Variants in SLC9A1 observed in about 807,000 individuals in gnomAD.
SLC9A1 encodes solute carrier family 9 member A1.
A neutral mutation model predicts 67.9 loss-of-function variants in SLC9A1; 22 were observed. The observed-to-expected ratio is 0.32, with a 90% CI of 0.23 to 0.46. SLC9A1 has a LOEUF of 0.46. Ranked by LOEUF, SLC9A1 falls within the 20% of genes least tolerant of loss-of-function variation. The pLI is 1.00. For synonymous variants in SLC9A1, 421 were observed against 471.8 expected (o/e 0.89, Z 1.40); for missense variants, 686 against 1,094.8 (o/e 0.63, Z 5.27).
Position 27,100,519 on chromosome 1 carries a change from G to C in SLC9A1, c.2236C>G (p.Arg746Gly), listed in dbSNP as rs369393494. The C allele has an allele frequency of 8.1e-6, 13 of 1,614,120 alleles. No individual in the cohort carries two copies. The highest frequency in any genetic ancestry group is 1.1e-5 in the Non-Finnish European group (13 of 1,179,984). Residue 746 changes from arginine (R) to glycine (G), a missense_variant, in exon 12 of 12, where the codon CGG becomes GGG. This residue lies in a region of SLC9A1 where 226 missense variants were observed against 282.4 expected (regional missense o/e 0.80). Transcript: ENST00000263980. This position sits in a 1 kb window ranked among gnomAD's most constrained non-coding sequence, Gnocchi z 5.6. The stretch of plus-strand genomic sequence containing the variant: ...TCCTCAGCCACCTTTGCAGGATCCC[G>C]GCTCAACCCTAAGACTTTGCCCTTC... ...ELKGKVLGLSRDPAKVAEEDE... is the reference protein window; with the variant it reads ...ELKGKVLGLSGDPAKVAEEDE...
chr1:27,115,135 C>T (rs553782535), intron 1 of SLC9A1, among the ~76,000 whole-genome samples: 1 of 152,290 alleles, frequency 6.6e-6, no homozygotes, highest in South Asian at 2.1e-4. Flanking sequence ...AGGTCTGATG[C>T]CCCAGTTCCC....
chr1:27,115,953 A>G (rs1454803160), intron 1 of SLC9A1, among the ~76,000 whole-genome samples: 2 of 152,080 alleles, frequency 1.3e-5, no homozygotes, highest in African/African-American at 2.4e-5. Context: ...CTCTGCTCTC[A>G]TTACTTACTC....
rs1460571695 is a variant in SLC9A1, at chr1:27,101,955, C to T, written c.1935+61G>A. 1.8e-5 allele frequency: 27 copies of T among 1,468,834 alleles called. No individual in the cohort carries two copies. Among genetic ancestry groups the T allele is most frequent in the East Asian group, 6.8e-5 (3 of 44,200 alleles). The allele number at this position is 1,468,834 out of a possible 1,614,324, so 91.0% of individuals were successfully genotyped here. On this transcript the variant is annotated intron_variant, in intron 9 of 11. Transcript: ENST00000263980. The surrounding 1 kb of genome is among the most constrained non-coding windows in gnomAD (Gnocchi z 4.9). Reference sequence around the variant, plus strand: ...AGGGGCACGGGCAGGGCAGGGCTGCCGTAGAGAGGGGCTGAAGGGCTCCTG... The same window carrying T: ...AGGGGCACGGGCAGGGCAGGGCTGCTGTAGAGAGGGGCTGAAGGGCTCCTG...
chr1:27,152,075 T>C (rs780249639), intron 1 of SLC9A1, among the ~76,000 whole-genome samples: 39 of 151,614 alleles, frequency 2.6e-4, no homozygotes, highest in Admixed American at 1.9e-3. Context: ...CAGAGGGAGG[T>C]AGGAAGAGAA....
At chr1:27,107,230 CAACCCCT>C (rs2083193474) in intron 4 of SLC9A1, among the ~76,000 whole-genome samples, 2 of 81,708 alleles carry the variant, frequency 2.4e-5, no homozygotes, top group African/African-American at 4.7e-5. Context: ...TACACACACC[CAACCCCT>C]ACACACACAC....
intron 1 of SLC9A1, among the ~76,000 whole-genome samples, chr1:27,136,708 C>T (rs1271261940): frequency 2.6e-5 from 4 of 152,158 alleles, no homozygotes; most frequent in African/African-American, 7.2e-5. Context: ...ACACAATCCC[C>T]GTCCCAAACA....
chr1:27,101,041 G>A lies in SLC9A1; in HGVS notation c.2110+162C>T, dbSNP rs2083139241. On this transcript the variant is annotated intron_variant, in intron 11 of 11. Coordinates refer to ENST00000263980, the MANE Select transcript of SLC9A1 (RefSeq NM_003047.5). This position sits in a 1 kb window ranked among gnomAD's most constrained non-coding sequence, Gnocchi z 4.9. ...CCGGAACGTCTCTCTCCCTAGGGAT[G>A]GCCCCTGACGTAGAAGCAGCTCATG... 6.6e-6 allele frequency among the ~76,000 whole-genome samples: 1 copy of A among 152,188 alleles called. No individual in the cohort carries two copies. Among genetic ancestry groups the A allele is most frequent in the Non-Finnish European group, 1.5e-5 (1 of 68,020 alleles).
Position 27,135,317 on chromosome 1 carries a change from T to C in SLC9A1, c.352+18666A>G, listed in dbSNP as rs554784739. On this transcript the variant is annotated intron_variant, in intron 1 of 11. Coordinates refer to ENST00000263980, the MANE Select transcript of SLC9A1 (RefSeq NM_003047.5). Reference sequence around the variant, plus strand: ...ATGCTCCCACCTTGGTCTCCCAAAGTGCTGGGATTACAGGGGTGAGCCACT... The same window carrying C: ...ATGCTCCCACCTTGGTCTCCCAAAGCGCTGGGATTACAGGGGTGAGCCACT... Among the ~76,000 whole-genome samples, 163 of 152,230 alleles carry C rather than the reference T, an allele frequency of 1.1e-3. 1 individual carries two copies. Among genetic ancestry groups the C allele is most frequent in the African/African-American group, 3.8e-3 (156 of 41,538 alleles).
intron 8 of SLC9A1, 119 bp from the exon 9 acceptor site, chr1:27,102,249 C>A: frequency 7.5e-7 from 1 of 1,337,158 alleles, no homozygotes. Context: ...GCCTCAGGTC[C>A]TTGGTGCGAG....
At chr1:27,132,303 G>A (rs1183636121) in intron 1 of SLC9A1, among the ~76,000 whole-genome samples, 1 of 152,098 alleles carries the variant, frequency 6.6e-6, no homozygotes, top group Non-Finnish European at 1.5e-5. Flanking sequence ...CATCAATGGA[G>A]AGGAAAGAAC....
Position 27,109,506 on chromosome 1 carries a change from G to A in SLC9A1, c.1064+21C>T. 2 of 1,608,864 alleles carry A rather than the reference G, an allele frequency of 1.2e-6. No individual in the cohort carries two copies. Among genetic ancestry groups the A allele is most frequent in the Non-Finnish European group, 1.7e-6 (2 of 1,178,252 alleles). ...CCGCCCCCACCCCGCCAAGCCCACT[G>A]CCTGCTGCACGCAGACTCACGCCAT... On this transcript the variant is annotated intron_variant, in intron 3 of 11. Coordinates refer to ENST00000263980, the MANE Select transcript of SLC9A1 (RefSeq NM_003047.5). The surrounding 1 kb of genome is among the most constrained non-coding windows in gnomAD (Gnocchi z 5.5).
At chr1:27,142,889 C>T (rs958187045) in intron 1 of SLC9A1, among the ~76,000 whole-genome samples, 1 of 152,048 alleles carries the variant, frequency 6.6e-6, no homozygotes, top group East Asian at 1.9e-4. Flanking sequence ...TGCAGTCCCA[C>T]AGGCAAACCC....
chr1:27,107,510 GCACCACATGCACA>G (rs2083196604), intron 4 of SLC9A1, 125 bp downstream of exon 4: 2 of 675,412 alleles, frequency 3.0e-6, no homozygotes, highest in Non-Finnish European at 5.2e-6. Flanking sequence ...CTTATACACT[GCACCACATGCACA>G]CACCACATAG....
intron 1 of SLC9A1, among the ~76,000 whole-genome samples, chr1:27,117,324 C>T (rs2083278617): frequency 6.6e-6 from 1 of 152,232 alleles, no homozygotes; most frequent in Non-Finnish European, 1.5e-5. Context: ...CCCCCCTCCA[C>T]AGCCTCCCTG....
intron 1 of SLC9A1, among the ~76,000 whole-genome samples, chr1:27,123,323 T>C (rs958458835): frequency 6.6e-6 from 1 of 152,152 alleles, no homozygotes; most frequent in Non-Finnish European, 1.5e-5. Flanking sequence ...TTGGTATATA[T>C]TCTTGAAGAC....
At chr1:27,150,523 C>T (rs2083519449) in intron 1 of SLC9A1, among the ~76,000 whole-genome samples, 1 of 152,106 alleles carries the variant, frequency 6.6e-6, no homozygotes, top group Non-Finnish European at 1.5e-5. Flanking sequence ...ATGCGGGGTC[C>T]ACAGCACAAT....
chr1:27,102,659 G>A lies in SLC9A1; in HGVS notation c.1646+14C>T. On this transcript the variant is annotated intron_variant, in intron 7 of 11. Transcript: ENST00000263980. Reference sequence around the variant, plus strand: ...CCTGCCCCTCCCTGCCTGCCCACCAGGCCTGCCACCTACTTGTCCTTCCAG... The same window carrying A: ...CCTGCCCCTCCCTGCCTGCCCACCAAGCCTGCCACCTACTTGTCCTTCCAG... The A allele has an allele frequency of 6.2e-7, 1 of 1,613,518 alleles. No homozygotes were observed. The highest frequency in any genetic ancestry group is 2.2e-5 in the East Asian group (1 of 44,884).
rs200289352 is a variant in SLC9A1 at position 27,102,750 on chromosome 1, G to C, written c.1576-7C>G. On this transcript the variant is annotated splice_polypyrimidine_tract_variant and splice_region_variant and intron_variant, in intron 6 of 11. Coordinates refer to ENST00000263980, the MANE Select transcript of SLC9A1 (RefSeq NM_003047.5). ...TCAGAAGGTGGTCCAGGAACTGAAA[G>C]GGGCCCAGGGCCAAGTCAAGCCTCG... 44 of 1,613,068 alleles carry C rather than the reference G, an allele frequency of 2.7e-5. No homozygotes were observed. The African/African-American group carries it at 5.2e-4, about 19-fold the overall frequency.
intron 1 of SLC9A1, among the ~76,000 whole-genome samples, chr1:27,120,419 C>A (rs1294492572): frequency 6.6e-6 from 1 of 151,868 alleles, no homozygotes; most frequent in African/African-American, 2.4e-5. Flanking sequence ...AGCCACCGCA[C>A]CTGGCCAAAT....
Sources: gnomAD v4.1 joint callset for allele counts (sites outside exome capture counted in the v4.1 genomes callset) on GRCh38, gnomAD v4.1.1 for gene constraint, gnomAD v4.1.1 regional missense constraint, Gnocchi (gnomAD v3.1) non-coding constraint, MANE v1.5 for transcripts, NCBI Gene and HGNC (gene_info 2026-07-23, HGNC 2026-07-21) for gene names.